The following RBM27 variants were observed in gnomAD, a reference collection of about 807,000 sequenced individuals.
RBM27 encodes the protein RNA binding motif protein 27, also known as RNA-binding protein 27.
In RBM27, 22 loss-of-function variants were observed where a neutral mutation model predicts 135.3. The ratio of observed to expected loss-of-function variants is 0.16; its 90% CI spans 0.12 to 0.23. The LOEUF (loss-of-function observed/expected upper bound fraction) is 0.23, where lower values mean the gene tolerates loss of function less well. Ranked by LOEUF, RBM27 falls within the 10% of genes least tolerant of loss-of-function variation. RBM27 has a pLI of 1.00. For missense variants in RBM27, 1,009 were observed against 1,281.0 expected (o/e 0.79, Z 3.24); for synonymous variants, 481 against 442.4 (o/e 1.09, Z -1.10).
rs190136533 is a variant in RBM27, at chr5:146,212,518, T to A, written c.60-6467T>A. ...TGCATGCCACCACACCAGGCTAATT[T>A]TTTTATTTTATTTTTTTAGAGATGG... On this transcript the variant is annotated intron_variant, in intron 1 of 20. Coordinates refer to ENST00000265271, the MANE Select transcript of RBM27 (RefSeq NM_018989.2). 3.4e-3 allele frequency among the ~76,000 whole-genome samples: 524 copies of A among 151,946 alleles called. 2 individuals carry two copies. Among genetic ancestry groups the A allele is most frequent in the African/African-American group, 0.012 (510 of 41,434 alleles).
intron 1 of RBM27, among the ~76,000 whole-genome samples, chr5:146,204,306 G>A (rs972038020): frequency 6.6e-6 from 1 of 152,218 alleles, no homozygotes; most frequent in African/African-American, 2.4e-5. Context: ...GGCAGAAGCG[G>A]ATAGCAGGGA....
chr5:146,264,108 A>G (rs1170718500), intron 14 of RBM27, among the ~76,000 whole-genome samples: 1 of 151,200 alleles, frequency 6.6e-6, no homozygotes, highest in Non-Finnish European at 1.5e-5. Context: ...CCTGTGTCAA[A>G]AAAAAAAAAA....
At chr5:146,248,703 G>A (rs1032445534) in intron 8 of RBM27, among the ~76,000 whole-genome samples, 1 of 151,922 alleles carries the variant, frequency 6.6e-6, no homozygotes, top group Non-Finnish European at 1.5e-5. Flanking sequence ...TGAGCTCAAG[G>A]GATCCACCCG....
chr5:146,258,768 AT>A lies in RBM27; in HGVS notation c.1739+191del, dbSNP rs376613663. Among the ~76,000 whole-genome samples, 1,034 of 145,392 alleles carry A rather than the reference AT, an allele frequency of 7.1e-3. 2 individuals carry two copies. Among genetic ancestry groups the A allele is most frequent in the African/African-American group, 0.013 (515 of 40,028 alleles). Reference sequence around the variant, plus strand: ...AATTAAAAAGTTAACAATATTTATAATTTTTTTTTTTTTTTTAAAAGACGTA... The same window carrying A: ...AATTAAAAAGTTAACAATATTTATAATTTTTTTTTTTTTTTAAAAGACGTA... On this transcript the variant is annotated intron_variant, in intron 11 of 20. Transcript: ENST00000265271.
At position 146,212,927 on chromosome 5, in the gene RBM27, AGAG is replaced by A. The variant is rs1444467738; in HGVS notation, c.60-6057_60-6055del. ...AATATTTCACAAACATCCAACAATA[AGAG>A]AATGGTTACCTTGGCACTATTTTTT... On this transcript the variant is annotated intron_variant, in intron 1 of 20. Transcript: ENST00000265271. 2.6e-5 allele frequency among the ~76,000 whole-genome samples: 4 copies of A among 152,246 alleles called. No homozygotes were observed. In the South Asian group the frequency reaches 8.3e-4, roughly 32 times the overall value.
chr5:146,213,185 C>T (rs1431751039), intron 1 of RBM27, among the ~76,000 whole-genome samples: 2 of 152,000 alleles, frequency 1.3e-5, no homozygotes, highest in Non-Finnish European at 2.9e-5. Context: ...TCACTGCAAC[C>T]ACCGCCTCCC....
chr5:146,284,856 C>T, intron 20 of RBM27, 124 bp downstream of exon 20: 1 of 590,934 alleles, frequency 1.7e-6, no homozygotes, highest in Non-Finnish European at 3.0e-6. Context: ...AAATTAAGAC[C>T]CGTTTAGATG....
At chr5:146,279,013 G>A (rs1450569484) in intron 19 of RBM27, among the ~76,000 whole-genome samples, 3 of 151,860 alleles carry the variant, frequency 2.0e-5, no homozygotes, top group Non-Finnish European at 4.4e-5. Context: ...CAGCCCCTGC[G>A]CCTGGCCTTT....
intron 15 of RBM27, 82 bp downstream of exon 15, chr5:146,267,850 G>A (rs1253868825): frequency 2.9e-6 from 4 of 1,393,054 alleles, no homozygotes; most frequent in Non-Finnish European, 3.0e-6. Context: ...TTTTAAATCA[G>A]TTCATGTTGG....
At chr5:146,231,763 G>A (rs143594864) in intron 6 of RBM27, among the ~76,000 whole-genome samples, 15,040 of 151,978 alleles carry the variant, frequency 0.099, 1,003 homozygotes, top group South Asian at 0.22. Context: ...GATTATAGGC[G>A]TGAGCCACCA....
chr5:146,267,846 A>G, intron 15 of RBM27, 78 bp downstream of exon 15: 1 of 1,433,962 alleles, frequency 7.0e-7, no homozygotes, highest in Non-Finnish European at 9.6e-7. Context: ...TCACTTTTAA[A>G]TCAGTTCATG....
rs1759659621 is a variant in RBM27, at chr5:146,288,286, TG to T, written c.*2261del. ...AGTTGAAAATTTGACTTTTTAGTAT[TG>T]GGGGCAGAAGATAGAAGTGTGTTAA... On this transcript the variant is annotated 3_prime_UTR_variant, in exon 21 of 21. Transcript: ENST00000265271. 2 of 152,188 alleles carry T rather than the reference TG, an allele frequency of 1.3e-5. No individual in the cohort carries two copies. Among genetic ancestry groups the T allele is most frequent in the African/African-American group, 4.8e-5 (2 of 41,572 alleles). 9.4% of individuals were successfully genotyped at this position (152,188 alleles called of 1,614,324 possible).
At position 146,236,915 on chromosome 5, in the gene RBM27, C is replaced by T. The variant is rs142817812; in HGVS notation, c.1145-383C>T. 3.0e-3 allele frequency among the ~76,000 whole-genome samples: 445 copies of T among 147,964 alleles called. 4 individuals carry two copies. Among genetic ancestry groups the T allele is most frequent in the African/African-American group, 0.011 (426 of 39,964 alleles). On this transcript the variant is annotated intron_variant, in intron 7 of 20. Coordinates refer to ENST00000265271, the MANE Select transcript of RBM27 (RefSeq NM_018989.2). ...GATTACAGGCATGAGCCACCGTGCCCGGCCTATGATGGTCCTTTTTTTTTT... is the reference window on the plus strand; with the variant it reads ...GATTACAGGCATGAGCCACCGTGCCTGGCCTATGATGGTCCTTTTTTTTTT...
intron 1 of RBM27, among the ~76,000 whole-genome samples, chr5:146,213,516 A>G (rs1223610837): frequency 1.3e-5 from 2 of 152,280 alleles, no homozygotes; most frequent in East Asian, 1.9e-4. Flanking sequence ...GAAAGAGCAC[A>G]TTAAGATGGA....
intron 11 of RBM27, among the ~76,000 whole-genome samples, chr5:146,259,135 C>G (rs1267944731): frequency 6.6e-6 from 1 of 150,494 alleles, no homozygotes; most frequent in Non-Finnish European, 1.5e-5. Flanking sequence ...GAGACACTAG[C>G]AATGGATAGA....
In RBM27 at chr5:146,272,021, A is replaced by G. The variant is rs138087547; in HGVS notation, c.2988+347A>G. 1.0e-3 allele frequency among the ~76,000 whole-genome samples: 155 copies of G among 152,386 alleles called. 1 individual carries two copies. In the East Asian group the frequency reaches 0.024, roughly 24 times the overall value. On this transcript the variant is annotated intron_variant, in intron 19 of 20. Coordinates refer to ENST00000265271, the MANE Select transcript of RBM27 (RefSeq NM_018989.2). ...TAAAGAATTTATTAGGATAACAGGT[A>G]TATTTAGTTACATTCTGTATATAGT...
At chr5:146,250,644 T>C (rs1210115475) in intron 8 of RBM27, among the ~76,000 whole-genome samples, 1 of 152,074 alleles carries the variant, frequency 6.6e-6, no homozygotes, top group East Asian at 1.9e-4. Context: ...TCATTGTGTG[T>C]GCATTCTTGC....
chr5:146,221,500 C>A (rs1756463936), intron 2 of RBM27, among the ~76,000 whole-genome samples: 1 of 152,118 alleles, frequency 6.6e-6, no homozygotes, highest in Non-Finnish European at 1.5e-5. Context: ...GTGGTGCAAT[C>A]TCAGCTCACT....
chr5:146,224,738 T>C (rs541961633), intron 3 of RBM27, among the ~76,000 whole-genome samples: 1 of 152,148 alleles, frequency 6.6e-6, no homozygotes, highest in African/African-American at 2.4e-5. Context: ...ATGACGTCTA[T>C]CTAGATAAAC....
Sources: gnomAD v4.1 joint callset for allele counts (sites outside exome capture counted in the v4.1 genomes callset) on GRCh38, gnomAD v4.1.1 for gene constraint, MANE v1.5 for transcripts, NCBI Gene and HGNC (gene_info 2026-07-23, HGNC 2026-07-21) for gene names.